The following MYH9 variants were observed in gnomAD, a reference collection of about 807,000 sequenced individuals.
The protein encoded by MYH9 is myosin-9.
Under a neutral mutation model 241.9 loss-of-function variants are expected in MYH9, and 29 were observed. The ratio of observed to expected loss-of-function variants is 0.12; its 90% confidence interval spans 0.09 to 0.16. The LOEUF is 0.16. Ranked by LOEUF, MYH9 falls within the 10% of genes least tolerant of loss-of-function variation. The pLI is 1.00. For synonymous variants in MYH9, 1,047 were observed against 1,062.6 expected, an observed-to-expected ratio of 0.99 and a Z score of 0.29; for missense variants, 1,803 against 2,595.5, an observed-to-expected ratio of 0.69 and a Z score of 6.63.
chr22:36,320,479 C>A lies in MYH9; in HGVS notation c.869-116G>T. On this transcript the variant is annotated intron_variant, in intron 8 of 40. Coordinates refer to ENST00000216181, the MANE Select transcript of MYH9 (RefSeq NM_002473.6). The surrounding 1 kb of genome is among the most constrained non-coding windows in gnomAD (Gnocchi z 4.8). The stretch of plus-strand genomic sequence containing the variant: ...GACAGACCCTGAGCCCTGACGCACC[C>A]TGGAAACCGCAGAGTAGCCAGTGAC... 1 of 1,336,488 alleles carries A rather than the reference C, an allele frequency of 7.5e-7. No individual in the cohort carries two copies. Among genetic ancestry groups the A allele is most frequent in the Non-Finnish European group, 1.1e-6 (1 of 946,792 alleles). 82.8% of individuals were successfully genotyped at this position (1,336,488 alleles called of 1,614,324 possible).
In MYH9 at chr22:36,306,303, G is replaced by T; in HGVS notation, c.2037+111C>A. ...CCACCCTGCAGAGAAACGACTGAAG[G>T]CTCTGTGCATGCTGGGGGGCTGGAG... is the stretch of plus-strand genomic sequence containing the variant. On this transcript the variant is annotated intron_variant, in intron 16 of 40. Coordinates refer to ENST00000216181, the MANE Select transcript of MYH9 (RefSeq NM_002473.6). This position sits in a 1 kb window ranked among gnomAD's most constrained non-coding sequence, Gnocchi z 4.1. 7.1e-7 allele frequency: 1 copy of T among 1,417,024 alleles called. No homozygotes were observed. The highest frequency in any genetic ancestry group is 9.7e-7 in the Non-Finnish European group (1 of 1,026,758). 87.8% of individuals were successfully genotyped at this position (1,417,024 alleles called of 1,614,324 possible).
At chr22:36,366,967 T>G (rs1412581823) in intron 1 of MYH9, among the ~76,000 whole-genome samples, 1 of 152,118 alleles carries the variant, frequency 6.6e-6, no homozygotes, top group Non-Finnish European at 1.5e-5. Context: ...AACCCAAAGC[T>G]TCTATTTGTC....
At chr22:36,324,317 T>A (rs983317015) in intron 5 of MYH9, among the ~76,000 whole-genome samples, 2 of 152,254 alleles carry the variant, frequency 1.3e-5, no homozygotes, top group African/African-American at 2.4e-5. Context: ...AATTTTTCAA[T>A]GAAATCTGCG....
intron 1 of MYH9, among the ~76,000 whole-genome samples, chr22:36,378,767 T>C (rs5756168): frequency 0.1 from 15,542 of 151,950 alleles, 809 homozygotes; most frequent in South Asian, 0.16. Context: ...GAATAGACTC[T>C]TAAGGAAAGA....
At chr22:36,311,667 G>A (rs2187778) in intron 14 of MYH9, among the ~76,000 whole-genome samples, 79,728 of 151,974 alleles carry the variant, frequency 0.52, 23,660 homozygotes, top group Non-Finnish European at 0.68. Flanking sequence ...AGGAAACCAA[G>A]GATCAGAGAG....
intron 1 of MYH9, among the ~76,000 whole-genome samples, chr22:36,382,750 C>T (rs1248214407): frequency 6.6e-6 from 1 of 151,902 alleles, no homozygotes; most frequent in Non-Finnish European, 1.5e-5. Context: ...CTGCAGTGAG[C>T]CAAGATCATG....
At chr22:36,352,786 G>A (rs985517567) in intron 1 of MYH9, among the ~76,000 whole-genome samples, 8 of 152,208 alleles carry the variant, frequency 5.3e-5, no homozygotes, top group African/African-American at 1.9e-4. Flanking sequence ...GGCTCCAGCT[G>A]AAGGTCAGAG....
Position 36,284,289 on chromosome 22 carries a change from G to C in MYH9, c.5593-24C>G, listed in dbSNP as rs367926272. The C allele has an allele frequency of 2.5e-6, 4 of 1,605,572 alleles. No individual in the cohort carries two copies. The Admixed American group carries it at 6.7e-5, about 27-fold the overall frequency. The stretch of plus-strand genomic sequence containing the variant: ...GCCTGCGGAGATGGACGTGTGGCCC[G>C]TGGCCCCGGTTAGGGGCTCTGGGCG... On this transcript the variant is annotated intron_variant, in intron 39 of 40. Coordinates refer to ENST00000216181, the MANE Select transcript of MYH9 (RefSeq NM_002473.6).
chr22:36,375,848 G>C (rs73167659), intron 1 of MYH9, among the ~76,000 whole-genome samples: 27,585 of 151,582 alleles, frequency 0.18, 2,942 homozygotes, highest in African/African-American at 0.3. Context: ...CACAGTGAGA[G>C]CCCATTTCCA....
chr22:36,338,209 A>G (rs2146381219), intron 3 of MYH9, among the ~76,000 whole-genome samples: 1 of 152,046 alleles, frequency 6.6e-6, no homozygotes, highest in East Asian at 2.0e-4. Context: ...CATGTTGACC[A>G]GACTGGTCTC....
At chr22:36,287,927 G>A (rs936300413) in intron 34 of MYH9, among the ~76,000 whole-genome samples, 1 of 152,204 alleles carries the variant, frequency 6.6e-6, no homozygotes, top group African/African-American at 2.4e-5. Context: ...AGGCTGAAGG[G>A]TGTCAGGACC....
Position 36,306,800 on chromosome 22 carries a change from A to AT in MYH9, c.1844-194dup, listed in dbSNP as rs2146349114. On this transcript the variant is annotated intron_variant, in intron 15 of 40. Transcript: ENST00000216181. The surrounding 1 kb of genome is among the most constrained non-coding windows in gnomAD (Gnocchi z 4.1). ...CAAACACAGCGGGAAGCCAAGGGGG[A>AT]TGCAAAGGCACTGGGCTTGTCTCTT... 6.6e-6 allele frequency among the ~76,000 whole-genome samples: 1 copy of AT among 152,278 alleles called. No homozygotes were observed. Among genetic ancestry groups the AT allele is most frequent in the East Asian group, 1.9e-4 (1 of 5,178 alleles).
chr22:36,297,216 C>T (rs2016802780), intron 24 of MYH9: 4 of 614,390 alleles, frequency 6.5e-6, no homozygotes, highest in Non-Finnish European at 1.2e-5. Context: ...TGTCTCTCTC[C>T]AACTCACCCC....
chr22:36,384,611 AATATATATATATATATAT>A lies in MYH9; in HGVS notation c.-20+3178_-20+3195del, dbSNP rs753952544. ...AAAAAAAAAAAAAAAAAAAAAAAAA[AATATATATATATATATAT>A]ATATATATATATATATATATATACA... On this transcript the variant is annotated intron_variant, in intron 1 of 40. Transcript: ENST00000216181. 8.5e-3 allele frequency among the ~76,000 whole-genome samples: 353 copies of A among 41,452 alleles called. 10 individuals carry two copies. The highest frequency in any genetic ancestry group is 0.043 in the Middle Eastern group (2 of 46). The allele number at this position is 41,452 out of a possible 152,430, so 27.2% of individuals were successfully genotyped here. A position where few individuals can be genotyped will look rare whatever the true frequency, so the allele number is the denominator to read the frequency against.
intron 2 of MYH9, among the ~76,000 whole-genome samples, chr22:36,345,465 T>C (rs2017663114): frequency 6.6e-6 from 1 of 151,976 alleles, no homozygotes; most frequent in African/African-American, 2.4e-5. Flanking sequence ...TCTGCTTTAC[T>C]GAGCAGAGGC....
chr22:36,299,128 T>C, intron 23 of MYH9, 86 bp from the exon 24 acceptor site: 1 of 1,544,314 alleles, frequency 6.5e-7, no homozygotes, highest in South Asian at 1.1e-5. Context: ...CCCGGAAATC[T>C]GGGGCTGAAT....
intron 34 of MYH9, among the ~76,000 whole-genome samples, chr22:36,287,743 A>G (rs1017803237): frequency 6.6e-6 from 1 of 152,268 alleles, no homozygotes; most frequent in African/African-American, 2.4e-5. Context: ...CTCCGTCTCA[A>G]ACAAACAAAC....
intron 1 of MYH9, among the ~76,000 whole-genome samples, chr22:36,378,187 G>A (rs6000264): frequency 0.026 from 4,006 of 152,076 alleles, 186 homozygotes; most frequent in African/African-American, 0.092. Flanking sequence ...GAGGTGGGAA[G>A]AATGCTTGAG....
Position 36,306,501 on chromosome 22 carries a change from G to C in MYH9, c.1950C>G (p.Tyr650Ter). 1 of 1,614,166 alleles carries C rather than the reference G, an allele frequency of 6.2e-7. No homozygotes were observed. The highest frequency in any genetic ancestry group is 8.5e-7 in the Non-Finnish European group (1 of 1,180,042). The stretch of plus-strand genomic sequence containing the variant: ...CCATCAGCTTGGCCAGCTGCTCCTT[G>C]TAAAGCTGCCCCACAGTGCGGAACA... The part of the protein sequence containing the change: ...KGMFRTVGQL[Y>*]KEQLAKLMAT... Residue 650 changes from tyrosine (Y) to a stop codon, truncating the protein, a stop_gained, in exon 16 of 41, where the codon TAC becomes TAG. Coordinates refer to ENST00000216181, the MANE Select transcript of MYH9 (RefSeq NM_002473.6). LOFTEE classifies it high-confidence loss of function. This position sits in a 1 kb window ranked among gnomAD's most constrained non-coding sequence, Gnocchi z 4.1.
Sources: allele counts gnomAD v4.1 joint callset (sites outside exome capture counted in the v4.1 genomes callset), GRCh38; gene constraint gnomAD v4.1.1; non-coding constraint Gnocchi (gnomAD v3.1); transcripts MANE v1.5; gene names NCBI Gene and HGNC (gene_info 2026-07-23, HGNC 2026-07-21).